GGA2: variants seen among roughly 807,000 people sequenced by gnomAD.
The protein encoded by GGA2 is ADP-ribosylation factor-binding protein GGA2.
In GGA2, 48 loss-of-function variants were observed where a neutral mutation model predicts 79.5. The observed-to-expected ratio is 0.60, with a 90% CI of 0.48 to 0.77. The LOEUF (loss-of-function observed/expected upper bound fraction) is 0.77, where lower values mean the gene tolerates loss of function less well. GGA2 is among the 30% of genes least tolerant of loss of function. The probability of loss-of-function intolerance (pLI) is 0.00; values close to 1 mark genes in which losing one functional copy is unlikely to be tolerated. For missense variants in GGA2, 770 were observed against 774.0 expected, an observed-to-expected ratio of 0.99 and a Z score of 0.06; for synonymous variants, 317 against 302.0, an observed-to-expected ratio of 1.05 and a Z score of -0.51.
At chr16:23,478,208 A>AG (rs1469689138) in intron 13 of GGA2, among the ~76,000 whole-genome samples, 160 bp downstream of exon 13, 28 of 132,910 alleles carry the variant, frequency 2.1e-4, no homozygotes, top group Non-Finnish European at 3.0e-4. Context: ...CAAAAAAAAA[A>AG]AAAAAAGAAA....
At chr16:23,486,234 A>G (rs1964711240) in intron 7 of GGA2, 82 bp from the exon 8 acceptor site, 14 of 1,286,428 alleles carry the variant, frequency 1.1e-5, no homozygotes, top group Non-Finnish European at 1.6e-5. Flanking sequence ...AAGAGTCACT[A>G]TTGAGAGAGC....
At chr16:23,476,622 T>C (rs1315640023) in intron 13 of GGA2, among the ~76,000 whole-genome samples, 1 of 152,184 alleles carries the variant, frequency 6.6e-6, no homozygotes, top group Non-Finnish European at 1.5e-5. Context: ...TATGAAAAGG[T>C]CATGCTGGAG....
At chr16:23,494,559 G>A (rs755116658) in intron 2 of GGA2, among the ~76,000 whole-genome samples, 181 bp from the exon 3 acceptor site, 2 of 152,148 alleles carry the variant, frequency 1.3e-5, no homozygotes, top group Non-Finnish European at 2.9e-5. Context: ...ACCCACCCTG[G>A]TTGCACCTAC....
chr16:23,472,095 G>GA (rs1249575301), intron 14 of GGA2, among the ~76,000 whole-genome samples: 1 of 150,074 alleles, frequency 6.7e-6, no homozygotes, highest in South Asian at 2.1e-4. Context: ...CTGGTATTAT[G>GA]ATCTCCTCAT....
intron 4 of GGA2, 56 bp downstream of exon 4, chr16:23,493,304 G>A: frequency 9.6e-7 from 1 of 1,042,398 alleles, no homozygotes; most frequent in South Asian, 1.3e-5. Flanking sequence ...GGAGCCAGGA[G>A]TTTGACAGTG....
rs1179249582 is a variant in GGA2 at position 23,466,407 on chromosome 16, A to G, written c.*1183T>C. The G allele has an allele frequency of 6.6e-6, 1 of 152,064 alleles. No individual in the cohort carries two copies. The highest frequency in any genetic ancestry group is 1.5e-5 in the Non-Finnish European group (1 of 68,010). The allele number at this position is 152,064 out of a possible 1,614,324, so 9.4% of individuals were successfully genotyped here. A position where few individuals can be genotyped will look rare whatever the true frequency, so the allele number is the denominator to read the frequency against. ...ATAAACTTGAATTCTTCCATCAACA[A>G]ATATCCACCTCTCCTGTCCAGCTTG... On this transcript the variant is annotated 3_prime_UTR_variant, in exon 17 of 17. Transcript: ENST00000309859.
intron 1 of GGA2, chr16:23,521,773 A>G (rs1965145231): frequency 1.1e-5 from 5 of 455,872 alleles, no homozygotes; most frequent in African/African-American, 8.0e-5. Context: ...TTGACCACTC[A>G]CTTTGTTAAA....
rs555254692 is a variant in GGA2, at chr16:23,486,377, G to A, written c.661-225C>T. Among the ~76,000 whole-genome samples the A allele has an allele frequency of 2.0e-5, 3 of 152,328 alleles. No individual in the cohort carries two copies. In the East Asian group the frequency reaches 5.8e-4, roughly 29 times the overall value. On this transcript the variant is annotated intron_variant, in intron 7 of 16. Coordinates refer to ENST00000309859, the MANE Select transcript of GGA2 (RefSeq NM_015044.4). ...ACTGGTGACCATGACCTCTGCCTTT[G>A]TGCCACCAGCCTCAAGTCCTCTGAA...
upstream of GGA2, among the ~76,000 whole-genome samples, chr16:23,515,248 C>A (rs1293854871): frequency 2.0e-5 from 3 of 151,246 alleles, no homozygotes; most frequent in Non-Finnish European, 4.4e-5. Flanking sequence ...TGCTTGAGCC[C>A]AGGGGTTCAA....
chr16:23,491,509 G>A, intron 5 of GGA2, among the ~76,000 whole-genome samples, 168 bp downstream of exon 5: 1 of 132,372 alleles, frequency 7.6e-6, no homozygotes. Context: ...TTAAAGGTAA[G>A]TAGATAAAAG....
At chr16:23,510,976 G>A (rs1267251671), upstream of GGA2, among the ~76,000 whole-genome samples, 1 of 131,376 alleles carries the variant, frequency 7.6e-6, no homozygotes, top group East Asian at 2.2e-4. Context: ...CATGTTGCCC[G>A]GGTGGTCTCG....
chr16:23,503,682 C>A (rs1964943770), intron 1 of GGA2, among the ~76,000 whole-genome samples: 1 of 152,200 alleles, frequency 6.6e-6, no homozygotes, highest in South Asian at 2.1e-4. Context: ...TCGTGCCCTG[C>A]ACTTTAGCTC....
chr16:23,471,568 T>TA (rs112123490), intron 14 of GGA2, among the ~76,000 whole-genome samples: 1,701 of 147,532 alleles, frequency 0.012, 20 homozygotes, highest in African/African-American at 0.037. Context: ...GTTAATCAGC[T>TA]AAAAAAAAAA....
intron 8 of GGA2, 122 bp from the exon 9 acceptor site, chr16:23,483,126 T>A: frequency 1.5e-6 from 1 of 682,972 alleles, no homozygotes; most frequent in Non-Finnish European, 2.7e-6. Context: ...GGCCTCCCAA[T>A]GGTCCTGACT....
intron 1 of GGA2, among the ~76,000 whole-genome samples, chr16:23,504,616 A>T (rs920452566): frequency 2.0e-5 from 3 of 152,228 alleles, no homozygotes; most frequent in African/African-American, 7.2e-5. Context: ...GGGGGCCAGC[A>T]GCTGGGTCTG....
In GGA2 at chr16:23,478,876, T is replaced by A; in HGVS notation, c.1158+7A>T. 6.3e-7 allele frequency: 1 copy of A among 1,599,504 alleles called. No homozygotes were observed. Among genetic ancestry groups the A allele is most frequent in the Non-Finnish European group, 8.6e-7 (1 of 1,167,496 alleles). ...CTCTCTCCGGGCCCTGGGAAGGGCA[T>A]CCTTACCATGCCTGTAACAGGAGCA... On this transcript the variant is annotated splice_region_variant and intron_variant, in intron 12 of 16. Coordinates refer to ENST00000309859, the MANE Select transcript of GGA2 (RefSeq NM_015044.4).
chr16:23,522,109 C>T (rs1965149620), upstream of GGA2: 1 of 272,856 alleles, frequency 3.7e-6, no homozygotes, highest in Non-Finnish European at 7.5e-6. Context: ...TATAAGCGCA[C>T]AATAAATTAC....
At chr16:23,476,117 A>T (rs1360213742) in intron 13 of GGA2, among the ~76,000 whole-genome samples, 1 of 152,204 alleles carries the variant, frequency 6.6e-6, no homozygotes, top group Non-Finnish European at 1.5e-5. Context: ...CAGATGATAC[A>T]CAAATTATAC....
upstream of GGA2, among the ~76,000 whole-genome samples, chr16:23,513,827 A>AG (rs1047195406): frequency 6.6e-6 from 1 of 151,780 alleles, no homozygotes. Context: ...AGAAAAGAAA[A>AG]GAAAAAAAAA....
Sources: allele counts gnomAD v4.1 joint callset (sites outside exome capture counted in the v4.1 genomes callset), GRCh38; gene constraint gnomAD v4.1.1; transcripts MANE v1.5; gene names NCBI Gene and HGNC (gene_info 2026-07-23, HGNC 2026-07-21).